The following ASPG variants were observed in gnomAD, a reference collection of about 807,000 sequenced individuals.
ASPG encodes asparaginase, also known as 60 kDa lysophospholipase.
A neutral mutation model predicts 63.2 loss-of-function variants in ASPG; 53 were observed. That is an observed-to-expected ratio of 0.84 (90% CI 0.67 to 1.05). The LOEUF (loss-of-function observed/expected upper bound fraction) is 1.05. Ranked by LOEUF, ASPG falls within the 50% of genes least tolerant of loss-of-function variation. ASPG has a pLI of 0.00. For missense variants in ASPG, 741 were observed against 794.4 expected (o/e 0.93, Z 0.81); for synonymous variants, 370 against 355.0 (o/e 1.04, Z -0.48).
intron 4 of ASPG, 89 bp from the exon 5 acceptor site, chr14:104,097,465 G>A (rs990189315): frequency 7.6e-7 from 1 of 1,313,874 alleles, no homozygotes; most frequent in Non-Finnish European, 1.0e-6. Context: ...CTCCTGGGCT[G>A]GGCCTGGGGG....
In ASPG at chr14:104,104,028, C is replaced by T. The variant is rs537166239; in HGVS notation, c.754-276C>T. ...GGGCCTCTGATGGCCTTCTTGGCTC[C>T]TCTCCCACCTCTCTGAAGTGTTTCC... On this transcript the variant is annotated intron_variant, in intron 7 of 15. Transcript: ENST00000551177. 6.6e-5 allele frequency among the ~76,000 whole-genome samples: 10 copies of T among 152,364 alleles called. 1 individual carries two copies. The highest frequency in any genetic ancestry group is 2.4e-4 in the African/African-American group (10 of 41,594).
At position 104,109,923 on chromosome 14, in the gene ASPG, G is replaced by A; in HGVS notation, c.1520+608G>A. ...GGCCTTCTGACATCATGTTGTTGTTGGGGAGACTGAGGCGCAGGGAGGCCT... is the reference window on the plus strand; with the variant it reads ...GGCCTTCTGACATCATGTTGTTGTTAGGGAGACTGAGGCGCAGGGAGGCCT... On this transcript the variant is annotated intron_variant, in intron 13 of 15. Transcript: ENST00000551177. The surrounding 1 kb of genome is among the most constrained non-coding windows in gnomAD (Gnocchi z 4.8). 1.0e-6 allele frequency: 1 copy of A among 981,486 alleles called. No individual in the cohort carries two copies. Among genetic ancestry groups the A allele is most frequent in the African/African-American group, 1.7e-5 (1 of 57,210 alleles). The allele number at this position is 981,486 out of a possible 1,614,324, so 60.8% of individuals were successfully genotyped here. A position where few individuals can be genotyped will look rare whatever the true frequency, so the allele number is the denominator to read the frequency against.
chr14:104,098,990 C>T lies in ASPG; in HGVS notation c.640+11C>T, dbSNP rs1160670445. 2 of 1,577,404 alleles carry T rather than the reference C, an allele frequency of 1.3e-6. No homozygotes were observed. The highest frequency in any genetic ancestry group is 1.7e-6 in the Non-Finnish European group (2 of 1,161,012). The stretch of plus-strand genomic sequence containing the variant: ...GTGCTGACATCACAAGTAAGCCCCG[C>T]AGGAGCAGGGCCAGGTGCCTGCCCA... On this transcript the variant is annotated intron_variant, in intron 6 of 15. Coordinates refer to ENST00000551177, the MANE Select transcript of ASPG (RefSeq NM_001080464.3).
In ASPG at chr14:104,111,864, G is replaced by A. The variant is rs1242797739; in HGVS notation, c.1621-56G>A. 8.6e-6 allele frequency: 13 copies of A among 1,511,388 alleles called. No homozygotes were observed. The East Asian group carries it at 3.2e-4, about 37-fold the overall frequency. The allele number at this position is 1,511,388 out of a possible 1,614,324, so 93.6% of individuals were successfully genotyped here. On this transcript the variant is annotated intron_variant, in intron 14 of 15. Coordinates refer to ENST00000551177, the MANE Select transcript of ASPG (RefSeq NM_001080464.3). ...GGCATCCTGGGGATGGGGATCCTTGGGCCAGGCTGCTAGTCAGTGGCCCCA... is the reference window on the plus strand; with the variant it reads ...GGCATCCTGGGGATGGGGATCCTTGAGCCAGGCTGCTAGTCAGTGGCCCCA...
chr14:104,099,163 C>T (rs1411857820), intron 6 of ASPG, among the ~76,000 whole-genome samples, 184 bp downstream of exon 6: 2 of 152,206 alleles, frequency 1.3e-5, no homozygotes, highest in African/African-American at 4.8e-5. Context: ...AGGGCTGCTG[C>T]GTGGCCACAG....
chr14:104,100,359 A>C lies in ASPG; in HGVS notation c.640+1380A>C, dbSNP rs533845351. Among the ~76,000 whole-genome samples, 165 of 152,040 alleles carry C rather than the reference A, an allele frequency of 1.1e-3. 2 individuals are homozygous for C. Among genetic ancestry groups the C allele is most frequent in the East Asian group, 9.7e-4 (5 of 5,130 alleles). The stretch of plus-strand genomic sequence containing the variant: ...GGTGGAGGCAGCGTCTTTGGATCTC[A>C]AGACAAGGCCTGTGTGTGGGAGTCC... On this transcript the variant is annotated intron_variant, in intron 6 of 15. Coordinates refer to ENST00000551177, the MANE Select transcript of ASPG (RefSeq NM_001080464.3).
At chr14:104,104,797 A>G in intron 9 of ASPG, 62 bp downstream of exon 9, 1 of 1,402,434 alleles carries the variant, frequency 7.1e-7, no homozygotes, top group Non-Finnish European at 9.8e-7. Context: ...GTTGGCTCCC[A>G]GGGGCATGTC....
rs1238363330 is a variant in ASPG at position 104,091,967 on chromosome 14, A to C, written c.83-666A>C. On this transcript the variant is annotated intron_variant, in intron 1 of 15. Transcript: ENST00000551177. The surrounding 1 kb of genome is among the most constrained non-coding windows in gnomAD (Gnocchi z 6.4). ...GACAGAACTGAGATGCAGAGGCTGC[A>C]GGAAGGTGGCAGAGTTGCTGGGGGT... is the stretch of plus-strand genomic sequence containing the variant. 1.3e-5 allele frequency among the ~76,000 whole-genome samples: 2 copies of C among 152,192 alleles called. No homozygotes were observed. The highest frequency in any genetic ancestry group is 6.5e-5 in the Admixed American group (1 of 15,292).
At chr14:104,086,841 G>T (rs1000724654) in intron 1 of ASPG, among the ~76,000 whole-genome samples, 1 of 151,994 alleles carries the variant, frequency 6.6e-6, no homozygotes, top group Non-Finnish European at 1.5e-5. Flanking sequence ...TGTGTCCAGC[G>T]CAGCTCTCTC....
intron 6 of ASPG, 123 bp downstream of exon 6, chr14:104,099,102 G>C: frequency 7.0e-7 from 1 of 1,435,606 alleles, no homozygotes; most frequent in Non-Finnish European, 9.3e-7. Flanking sequence ...GTTCTGACTT[G>C]CCCTGGCTTG....
Position 104,110,444 on chromosome 14 carries a change from G to A in ASPG, c.1521-1058G>A. On this transcript the variant is annotated intron_variant, in intron 13 of 15. Coordinates refer to ENST00000551177, the MANE Select transcript of ASPG (RefSeq NM_001080464.3). The surrounding 1 kb of genome is among the most constrained non-coding windows in gnomAD (Gnocchi z 4.7). ...CTCCATTGACAGATGGGGAAACTGA[G>A]GCAGTAGTCAGGTCCTGTGGGAGCT... The A allele has an allele frequency of 1.0e-6, 1 of 985,366 alleles. No individual in the cohort carries two copies. The highest frequency in any genetic ancestry group is 1.2e-6 in the Non-Finnish European group (1 of 829,910). 61.0% of individuals were successfully genotyped at this position (985,366 alleles called of 1,614,324 possible). A position where few individuals can be genotyped will look rare whatever the true frequency, so the allele number is the denominator to read the frequency against.
At chr14:104,085,878 A>G (rs1450796837) in intron 1 of ASPG, 26 bp downstream of exon 1, 2 of 1,567,672 alleles carry the variant, frequency 1.3e-6, no homozygotes, top group Non-Finnish European at 1.7e-6. Context: ...TGGGCGGGGT[A>G]GGCCTCTGGA....
intron 1 of ASPG, among the ~76,000 whole-genome samples, chr14:104,092,404 A>G (rs1268925165): frequency 6.6e-6 from 1 of 152,178 alleles, no homozygotes. Flanking sequence ...CAGGTGCGAA[A>G]TGAGGAATCA....
chr14:104,112,469 GC>G, intron 15 of ASPG, 54 bp from the exon 16 acceptor site: 1 of 1,018,444 alleles, frequency 9.8e-7, no homozygotes, highest in Non-Finnish European at 1.6e-6. Flanking sequence ...TTGTCTCTCT[GC>G]CCTGCCTTCG....
intron 2 of ASPG, 157 bp downstream of exon 2, chr14:104,092,898 C>T (rs897442028): frequency 4.7e-6 from 3 of 633,612 alleles, no homozygotes; most frequent in South Asian, 4.0e-5. Context: ...GACCAGCAGT[C>T]GCCTTCCACC....
In ASPG at chr14:104,110,577, T is replaced by G. The variant is rs1327855965; in HGVS notation, c.1521-925T>G. The G allele has an allele frequency of 1.0e-6, 1 of 985,076 alleles. No individual in the cohort carries two copies. The highest frequency in any genetic ancestry group is 1.7e-5 in the African/African-American group (1 of 57,178). The allele number at this position is 985,076 out of a possible 1,614,324, so 61.0% of individuals were successfully genotyped here. On this transcript the variant is annotated intron_variant, in intron 13 of 15. Transcript: ENST00000551177. This position sits in a 1 kb window ranked among gnomAD's most constrained non-coding sequence, Gnocchi z 4.7. The stretch of plus-strand genomic sequence containing the variant: ...AGGCCTTCCTAGGGGCCGGTGTGTG[T>G]GTGGGGCTTGGCCTCTTGGAGCAGG...
Position 104,113,013 on chromosome 14 carries a change from C to G in ASPG, c.*469C>G, listed in dbSNP as rs1188904934. On this transcript the variant is annotated 3_prime_UTR_variant, in exon 16 of 16. Coordinates refer to ENST00000551177, the MANE Select transcript of ASPG (RefSeq NM_001080464.3). The stretch of plus-strand genomic sequence containing the variant: ...CCTTCATTCTGGAGCTTGAAGTCCC[C>G]TCCCCCAGGCAGCCCTCCAACCCCT... 4.5e-6 allele frequency: 1 copy of G among 220,676 alleles called. No individual in the cohort carries two copies. Among genetic ancestry groups the G allele is most frequent in the African/African-American group, 2.3e-5 (1 of 43,860 alleles). The allele number at this position is 220,676 out of a possible 1,614,324, so 13.7% of individuals were successfully genotyped here. A position where few individuals can be genotyped will look rare whatever the true frequency, so the allele number is the denominator to read the frequency against.
At chr14:104,089,951 A>G (rs2036320346) in intron 1 of ASPG, among the ~76,000 whole-genome samples, 1 of 145,074 alleles carries the variant, frequency 6.9e-6, no homozygotes. Context: ...CTGCCTCAAA[A>G]AAAAAAAAAA....
Position 104,095,668 on chromosome 14 carries a change from G to A in ASPG, c.429+12G>A, listed in dbSNP as rs769461871. The A allele has an allele frequency of 6.2e-7, 1 of 1,612,188 alleles. No homozygotes were observed. The highest frequency in any genetic ancestry group is 1.1e-5 in the South Asian group (1 of 91,082). On this transcript the variant is annotated intron_variant, in intron 4 of 15. Coordinates refer to ENST00000551177, the MANE Select transcript of ASPG (RefSeq NM_001080464.3). ...TCACTGGGGCCCAGGTAATCCCAGG[G>A]GCCCGGGGCTCCTAGGAACAGGGGC...
Sources: gnomAD v4.1 joint callset for allele counts (sites outside exome capture counted in the v4.1 genomes callset) on GRCh38, gnomAD v4.1.1 for gene constraint, Gnocchi (gnomAD v3.1) non-coding constraint, MANE v1.5 for transcripts, NCBI Gene and HGNC (gene_info 2026-07-23, HGNC 2026-07-21) for gene names.